C8orf34: variants seen among roughly 807,000 people sequenced by gnomAD.
The protein encoded by C8orf34 is chromosome 8 open reading frame 34, also known as uncharacterized protein C8orf34.
C8orf34 carries 65 observed loss-of-function variants against 68.3 expected under a neutral mutation model. That is an observed-to-expected ratio of 0.95 (90% CI 0.78 to 1.17). The LOEUF (loss-of-function observed/expected upper bound fraction) is 1.17, where lower values mean the gene tolerates loss of function less well. C8orf34 is among the 50% of genes most tolerant of loss of function. The pLI is 0.00. For missense variants in C8orf34, 664 were observed against 655.4 expected (o/e 1.01, Z -0.14); for synonymous variants, 244 against 241.2 (o/e 1.01, Z -0.11).
At chr8:68,463,304 T>C (rs1811939145) in intron 3 of C8orf34, among the ~76,000 whole-genome samples, 2 of 151,988 alleles carry the variant, frequency 1.3e-5, no homozygotes, top group Admixed American at 6.6e-5. Context: ...AATCAATAGC[T>C]TACCAACCAA....
intron 5 of C8orf34, among the ~76,000 whole-genome samples, chr8:68,494,476 A>G (rs1370453553): frequency 6.6e-6 from 1 of 152,026 alleles, no homozygotes; most frequent in Non-Finnish European, 1.5e-5. Flanking sequence ...GCACAACAAC[A>G]TAAATAAACT....
chr8:68,605,588 C>T (rs1032515480), intron 7 of C8orf34, among the ~76,000 whole-genome samples: 3 of 151,972 alleles, frequency 2.0e-5, no homozygotes, highest in African/African-American at 7.2e-5. Flanking sequence ...GAGGAGACAC[C>T]TTAAGTGCAT....
intron 5 of C8orf34, among the ~76,000 whole-genome samples, chr8:68,519,651 G>T (rs990882295): frequency 6.6e-6 from 1 of 151,708 alleles, no homozygotes; most frequent in African/African-American, 2.4e-5. Context: ...GATTTTCATG[G>T]TCTTTTATGA....
At chr8:68,783,069 AAAAAAAAAAAAG>A (rs1347975019) in intron 11 of C8orf34, among the ~76,000 whole-genome samples, 1 of 148,750 alleles carries the variant, frequency 6.7e-6, no homozygotes, top group African/African-American at 2.4e-5. Context: ...ACATGTCTCA[AAAAAAAAAAAAG>A]AAAAAAGAAA....
intron 5 of C8orf34, among the ~76,000 whole-genome samples, chr8:68,493,886 C>G (rs1368608438): frequency 6.6e-6 from 1 of 152,172 alleles, no homozygotes; most frequent in Non-Finnish European, 1.5e-5. Flanking sequence ...GCACCTTGAT[C>G]TGGACTTCCC....
intron 7 of C8orf34, among the ~76,000 whole-genome samples, chr8:68,628,679 A>G (rs1004517947): frequency 2.6e-5 from 4 of 152,166 alleles, no homozygotes; most frequent in African/African-American, 9.7e-5. Context: ...CCATTGCTGA[A>G]TCACTGTGAA....
At chr8:68,606,655 C>G (rs868079842) in intron 7 of C8orf34, among the ~76,000 whole-genome samples, 3 of 151,844 alleles carry the variant, frequency 2.0e-5, no homozygotes, top group Admixed American at 2.0e-4. Context: ...AACATGATAC[C>G]CTGCCTCCTA....
chr8:68,586,102 A>G (rs918434135), intron 7 of C8orf34, among the ~76,000 whole-genome samples: 3 of 152,082 alleles, frequency 2.0e-5, no homozygotes, highest in African/African-American at 7.2e-5. Flanking sequence ...ATATATATGT[A>G]AAAATGAGCA....
chr8:68,769,210 CT>C (rs1445011907), intron 10 of C8orf34, among the ~76,000 whole-genome samples: 2 of 151,644 alleles, frequency 1.3e-5, no homozygotes, highest in Admixed American at 1.3e-4. Context: ...TCCTTAAGAT[CT>C]GCTATTATCC....
chr8:68,396,733 A>C (rs1400876828), intron 1 of C8orf34, among the ~76,000 whole-genome samples: 1 of 148,774 alleles, frequency 6.7e-6, no homozygotes, highest in Non-Finnish European at 1.5e-5. Context: ...AAAAAAAAAA[A>C]AAAAAAAAGC....
intron 13 of C8orf34, among the ~76,000 whole-genome samples, chr8:68,816,633 A>G (rs1193035803): frequency 2.0e-5 from 3 of 152,162 alleles, no homozygotes; most frequent in African/African-American, 7.2e-5. Context: ...TGGGGAGTTT[A>G]CTGTTACCCT....
chr8:68,814,101 T>C (rs1197479615), intron 12 of C8orf34, among the ~76,000 whole-genome samples: 2 of 152,164 alleles, frequency 1.3e-5, no homozygotes, highest in Admixed American at 6.5e-5. Flanking sequence ...TCTCCAAGTA[T>C]GTAAGACCAC....
At chr8:68,616,047 A>G (rs1040211951) in intron 7 of C8orf34, among the ~76,000 whole-genome samples, 1 of 151,016 alleles carries the variant, frequency 6.6e-6, no homozygotes. Flanking sequence ...GAATTTATCC[A>G]TTTCTTCTAG....
At chr8:68,643,066 G>A (rs1376164825) in intron 8 of C8orf34, among the ~76,000 whole-genome samples, 1 of 152,166 alleles carries the variant, frequency 6.6e-6, no homozygotes, top group African/African-American at 2.4e-5. Flanking sequence ...ACCGGTTCAT[G>A]GCCTGGGGGT....
At position 68,453,473 on chromosome 8, in the gene C8orf34, G is replaced by T. The variant is rs181142277; in HGVS notation, c.607+7013G>T. 1.7e-4 allele frequency among the ~76,000 whole-genome samples: 26 copies of T among 152,058 alleles called. No homozygotes were observed. The South Asian group carries it at 3.7e-3, about 22-fold the overall frequency. ...TAAACAATGTTTTGTAGTTTTTGGT[G>T]TACAAGACTGGCATGTCCTTGGTTA... is the stretch of plus-strand genomic sequence containing the variant. On this transcript the variant is annotated intron_variant, in intron 3 of 13. Transcript: ENST00000518698.
intron 10 of C8orf34, among the ~76,000 whole-genome samples, chr8:68,750,850 C>T (rs141241224): frequency 5.0e-4 from 76 of 152,170 alleles, no homozygotes; most frequent in African/African-American, 1.8e-3. Context: ...TTTTATAGTA[C>T]TCCAACTAGG....
chr8:68,695,735 TATC>T (rs1384981380), intron 8 of C8orf34: 5 of 152,052 alleles, frequency 3.3e-5, no homozygotes, highest in Admixed American at 2.6e-4. Context: ...ATGGGAGAAT[TATC>T]ATATGTCTCA....
intron 1 of C8orf34, among the ~76,000 whole-genome samples, chr8:68,368,615 T>A (rs563700116): frequency 6.6e-6 from 1 of 152,256 alleles, no homozygotes; most frequent in African/African-American, 2.4e-5. Flanking sequence ...GGTACCTTTA[T>A]AAAGTTAGGA....
chr8:68,552,898 C>CAAAT (rs1455081548), intron 7 of C8orf34, among the ~76,000 whole-genome samples: 1 of 151,916 alleles, frequency 6.6e-6, no homozygotes, highest in African/African-American at 2.4e-5. Flanking sequence ...CCTTGTATTT[C>CAAAT]AGGGATAAAT....
Sources: allele counts gnomAD v4.1 joint callset (sites outside exome capture counted in the v4.1 genomes callset), GRCh38; gene constraint gnomAD v4.1.1; transcripts MANE v1.5; gene names NCBI Gene and HGNC (gene_info 2026-07-23, HGNC 2026-07-21).